The following AP3B1 variants were observed in gnomAD, a reference collection of about 807,000 sequenced individuals.
The protein encoded by AP3B1 is adaptor related protein complex 3 subunit beta 1, also known as AP-3 complex subunit beta-1.
In AP3B1, 61 loss-of-function variants were observed where a neutral mutation model predicts 132.5. That is an observed-to-expected ratio of 0.46 (90% CI 0.37 to 0.57). The LOEUF is 0.57. Ranked by LOEUF, AP3B1 falls within the 20% of genes least tolerant of loss-of-function variation. The pLI, the probability that AP3B1 is intolerant of heterozygous loss-of-function variation, is 0.00. For missense variants in AP3B1, 1,120 were observed against 1,289.4 expected (o/e 0.87, Z 2.01); for synonymous variants, 388 against 438.3 (o/e 0.89, Z 1.43).
chr5:78,241,099 A>G (rs1385528978), intron 2 of AP3B1, among the ~76,000 whole-genome samples, 163 bp from the exon 3 acceptor site: 5 of 152,214 alleles, frequency 3.3e-5, no homozygotes. Flanking sequence ...GTACAGCAAT[A>G]TAAATACACA....
intron 8 of AP3B1, 126 bp downstream of exon 8, chr5:78,181,381 G>A (rs906092501): frequency 1.2e-6 from 1 of 858,530 alleles, no homozygotes; most frequent in South Asian, 1.5e-5. Context: ...TCCATTACAT[G>A]TCATTTGGTG....
At chr5:78,113,071 C>T (rs544025372) in intron 19 of AP3B1, among the ~76,000 whole-genome samples, 1 of 152,288 alleles carries the variant, frequency 6.6e-6, no homozygotes, top group East Asian at 1.9e-4. Flanking sequence ...GTACTGCGCC[C>T]CAATCAGTGC....
chr5:78,230,091 C>T (rs1430660699), intron 3 of AP3B1, among the ~76,000 whole-genome samples: 1 of 152,152 alleles, frequency 6.6e-6, no homozygotes, highest in Non-Finnish European at 1.5e-5. Flanking sequence ...GAGGTACTTC[C>T]ACAGATATGA....
At chr5:78,283,008 C>T (rs754893751) in intron 1 of AP3B1, among the ~76,000 whole-genome samples, 26 of 151,984 alleles carry the variant, frequency 1.7e-4, no homozygotes, top group Middle Eastern at 3.4e-3. Flanking sequence ...TCTCTTAAAA[C>T]CAAAAAAGAA....
At chr5:78,158,250 G>A (rs1002215295) in intron 13 of AP3B1, among the ~76,000 whole-genome samples, 1 of 151,998 alleles carries the variant, frequency 6.6e-6, no homozygotes, top group African/African-American at 2.4e-5. Context: ...TTGATCCCAG[G>A]AGTTTGAGAC....
chr5:78,123,108 A>G (rs1280775939), intron 17 of AP3B1, among the ~76,000 whole-genome samples: 1 of 152,260 alleles, frequency 6.6e-6, no homozygotes. Context: ...AGGATTCCCT[A>G]TTTAATAAAT....
intron 3 of AP3B1, among the ~76,000 whole-genome samples, chr5:78,233,598 C>A (rs1382956398): frequency 2.6e-5 from 4 of 152,150 alleles, no homozygotes; most frequent in African/African-American, 9.7e-5. Flanking sequence ...TTAGGAAATA[C>A]AGAATATGAA....
intron 11 of AP3B1, among the ~76,000 whole-genome samples, chr5:78,166,117 TCACACACACACACACACACACACACACA>T (rs70997970): frequency 1.2e-4 from 16 of 135,922 alleles, no homozygotes; most frequent in South Asian, 2.6e-4. Context: ...TGAAACTCTG[TCACACACACACACACACACACACACACA>T]CACACACACA....
intron 1 of AP3B1, among the ~76,000 whole-genome samples, chr5:78,284,911 C>A (rs1331975853): frequency 6.6e-6 from 1 of 152,172 alleles, no homozygotes; most frequent in Non-Finnish European, 1.5e-5. Context: ...CATAACATTC[C>A]TCTCCAAGTG....
rs572281742 is a variant in AP3B1, at chr5:78,039,752, T to C, written c.2578-478A>G. On this transcript the variant is annotated intron_variant, in intron 22 of 26. Coordinates refer to ENST00000255194, the MANE Select transcript of AP3B1 (RefSeq NM_003664.5). Reference sequence around the variant, plus strand: ...GAGATCGCGCCACTGCACTCCAGCCTGGGCGACAGAGCGAGACTCCGTCTC... The same window carrying C: ...GAGATCGCGCCACTGCACTCCAGCCCGGGCGACAGAGCGAGACTCCGTCTC... Among the ~76,000 whole-genome samples the C allele has an allele frequency of 3.1e-5, 4 of 130,954 alleles. No homozygotes were observed. In the South Asian group the frequency reaches 6.9e-4, roughly 23 times the overall value. 85.9% of individuals were successfully genotyped at this position (130,954 alleles called of 152,430 possible).
intron 22 of AP3B1, among the ~76,000 whole-genome samples, chr5:78,066,701 C>A (rs116332429): frequency 0.018 from 2,711 of 151,980 alleles, 39 homozygotes; most frequent in Non-Finnish European, 0.029. Flanking sequence ...ATTGGGGTAC[C>A]TAAAAGAGAT....
At chr5:78,022,586 G>A (rs1303584731) in intron 24 of AP3B1, among the ~76,000 whole-genome samples, 3 of 152,172 alleles carry the variant, frequency 2.0e-5, no homozygotes, top group Admixed American at 2.0e-4. Context: ...CCTGATATGT[G>A]TGATAAAGCA....
intron 22 of AP3B1, among the ~76,000 whole-genome samples, chr5:78,074,256 T>C (rs187344138): frequency 6.6e-6 from 1 of 151,934 alleles, no homozygotes; most frequent in Non-Finnish European, 1.5e-5. Flanking sequence ...AGCATAGAAA[T>C]AGAAAGATCA....
chr5:78,193,732 G>GTGTGTA (rs1340871803), intron 7 of AP3B1, among the ~76,000 whole-genome samples: 2 of 89,248 alleles, frequency 2.2e-5, no homozygotes, highest in African/African-American at 8.1e-5. Flanking sequence ...TTAAATATTT[G>GTGTGTA]TATATATTTT....
intron 11 of AP3B1, among the ~76,000 whole-genome samples, chr5:78,167,126 C>T (rs59134743): frequency 0.18 from 27,848 of 151,946 alleles, 2,810 homozygotes; most frequent in Admixed American, 0.27. Flanking sequence ...CCAGAATCTA[C>T]AAAGAACACA....
At chr5:78,173,672 C>A (rs1274804702) in intron 11 of AP3B1, among the ~76,000 whole-genome samples, 1 of 145,634 alleles carries the variant, frequency 6.9e-6, no homozygotes, top group East Asian at 1.9e-4. Flanking sequence ...TGGGGTTGCT[C>A]TTCTCGAGGA....
chr5:78,116,342 C>T (rs772276362), intron 17 of AP3B1, 108 bp from the exon 18 acceptor site: 1 of 922,902 alleles, frequency 1.1e-6, no homozygotes. Flanking sequence ...AAGCTTAAGG[C>T]CTCCACAGGG....
intron 1 of AP3B1, among the ~76,000 whole-genome samples, chr5:78,268,577 A>G (rs1445727977): frequency 3.3e-5 from 5 of 152,128 alleles, no homozygotes; most frequent in African/African-American, 1.2e-4. Flanking sequence ...AATGAAGAGG[A>G]ATGAAGTGTC....
intron 15 of AP3B1, among the ~76,000 whole-genome samples, chr5:78,130,579 G>A (rs1400518328): frequency 1.3e-5 from 2 of 152,022 alleles, no homozygotes; most frequent in African/African-American, 4.8e-5. Context: ...CTAATTGCTA[G>A]ACCATGCTGG....
Sources: allele counts gnomAD v4.1 joint callset (sites outside exome capture counted in the v4.1 genomes callset), GRCh38; gene constraint gnomAD v4.1.1; transcripts MANE v1.5; gene names NCBI Gene and HGNC (gene_info 2026-07-23, HGNC 2026-07-21).